The following MINAR1 variants were observed in gnomAD, a reference collection of about 807,000 sequenced individuals.
MINAR1 encodes the protein membrane integral NOTCH2 associated receptor 1.
In MINAR1, 40 loss-of-function variants were observed where a neutral mutation model predicts 65.1. That is an observed-to-expected ratio of 0.61 (90% CI 0.48 to 0.80). MINAR1 has a LOEUF of 0.80. Among genes scored for constraint, MINAR1 ranks in the 30% least tolerant of loss-of-function variants. The pLI, the probability that MINAR1 is intolerant of heterozygous loss-of-function variation, is 0.00. For missense variants in MINAR1, 1,128 were observed against 1,148.0 expected, an observed-to-expected ratio of 0.98 and a Z score of 0.25; for synonymous variants, 482 against 449.1, an observed-to-expected ratio of 1.07 and a Z score of -0.93.
chr15:79,457,569 G>T lies in MINAR1; in HGVS notation c.1422G>T (p.Val474=), dbSNP rs1284011042. 1.2e-6 allele frequency: 2 copies of T among 1,614,016 alleles called. No individual in the cohort carries two copies. Among genetic ancestry groups the T allele is most frequent in the African/African-American group, 2.7e-5 (2 of 74,916 alleles). The change falls in exon 2 of 4, where the codon GTG becomes GTT. Residue 474 remains valine, a synonymous_variant. Coordinates refer to ENST00000305428, the MANE Select transcript of MINAR1 (RefSeq NM_015206.3). ...SGQLSSDTSS[V]GTQTEHVLEP... ...AGCTCAGCTCAGACACCAGTAGCGT[G>T]GGCACCCAGACTGAGCACGTGCTGG... is the stretch of plus-strand genomic sequence containing the variant.
At chr15:79,415,869 A>C in the MINAR1 span, 1 of 152,246 alleles carries the variant, frequency 6.6e-6, no homozygotes, top group South Asian at 2.1e-4. Flanking sequence ...AACAAACAAA[A>C]TTCCCATGGT....
chr15:79,462,452 T>C (rs978184205), intron 2 of MINAR1, among the ~76,000 whole-genome samples: 2 of 152,192 alleles, frequency 1.3e-5, no homozygotes, highest in African/African-American at 4.8e-5. Context: ...CCCAGACTTC[T>C]TTCTTATCCT....
intron 1 of MINAR1, among the ~76,000 whole-genome samples, chr15:79,439,686 T>C (rs1317613727): frequency 6.6e-6 from 1 of 151,852 alleles, no homozygotes; most frequent in African/African-American, 2.4e-5. Flanking sequence ...CTCTAGCCTG[T>C]TGCCCCTGCA....
the MINAR1 span, chr15:79,418,578 C>T: frequency 6.6e-6 from 1 of 152,242 alleles, no homozygotes; most frequent in African/African-American, 2.4e-5. Flanking sequence ...CAGAAAGCCA[C>T]CAAGGAAAGC....
Position 79,457,372 on chromosome 15 carries a change from G to C in MINAR1, c.1225G>C (p.Glu409Gln). Reference sequence around the variant, plus strand: ...CCAGACCCCCAATTTCCCAGCCCCAGAAAGGCGCCCAACTTACCTTGTGCC... The same window carrying C: ...CCAGACCCCCAATTTCCCAGCCCCACAAAGGCGCCCAACTTACCTTGTGCC... The part of the protein sequence containing the change: ...SSQTPNFPAP[E>Q]RRPTYLVPKD... Residue 409 changes from glutamate (E) to glutamine (Q), a missense_variant, in exon 2 of 4, where the codon GAA (glutamate) becomes CAA (glutamine). Glu to Gln is a conservative substitution (Grantham distance 29). Transcript: ENST00000305428. The C allele has an allele frequency of 1.9e-6, 3 of 1,614,110 alleles. No individual in the cohort carries two copies. The highest frequency in any genetic ancestry group is 2.5e-6 in the Non-Finnish European group (3 of 1,180,012).
At chr15:79,453,803 T>C (rs1895320422) in intron 1 of MINAR1, among the ~76,000 whole-genome samples, 2 of 152,224 alleles carry the variant, frequency 1.3e-5, no homozygotes. Context: ...GGGCCTTGGT[T>C]TTCCAAATAG....
At position 79,463,232 on chromosome 15, in the gene MINAR1, G is replaced by T. The variant is rs148088993; in HGVS notation, c.2464G>T (p.Glu822Ter). The change falls in exon 3 of 4, where the codon GAG becomes TAG. Residue 822 changes from glutamate to a stop codon, truncating the protein, a stop_gained. Transcript: ENST00000305428. LOFTEE classifies it high-confidence loss of function. Reference protein sequence around the residue: ...YTDMRLTELAEVKRGQPSWTI... With the variant: ...YTDMRLTELA ...AGACATGCGGCTGACCGAGTTGGCC[G>T]AGGTGAAGCGGGGCCAACCTTCTTG... 1 of 1,614,236 alleles carries T rather than the reference G, an allele frequency of 6.2e-7. No homozygotes were observed. Among genetic ancestry groups the T allele is most frequent in the Non-Finnish European group, 8.5e-7 (1 of 1,180,044 alleles).
At chr15:79,426,068 C>T in the MINAR1 span, 1 of 152,220 alleles carries the variant, frequency 6.6e-6, no homozygotes, top group African/African-American at 2.4e-5. Context: ...CTCTGGCGTG[C>T]TTGGAGAGTG....
chr15:79,437,494 T>G (rs569807271), intron 1 of MINAR1, among the ~76,000 whole-genome samples: 3 of 136,302 alleles, frequency 2.2e-5, no homozygotes, highest in Non-Finnish European at 1.6e-5. Context: ...TAGGTGTGAG[T>G]GGGATAGGTT....
intron 1 of MINAR1, among the ~76,000 whole-genome samples, chr15:79,452,418 A>G (rs1330667525): frequency 2.0e-5 from 3 of 151,014 alleles, no homozygotes; most frequent in Non-Finnish European, 4.4e-5. Flanking sequence ...GTGAAGCTGT[A>G]TGAGTGTGTG....
intron 1 of MINAR1, among the ~76,000 whole-genome samples, chr15:79,452,717 T>TGC (rs1895268251): frequency 8.2e-6 from 1 of 122,152 alleles, no homozygotes; most frequent in Non-Finnish European, 1.7e-5. Flanking sequence ...AGTGTGTGGG[T>TGC]GTGGGTGAGT....
At chr15:79,417,239 C>T in the MINAR1 span, 2 of 152,220 alleles carry the variant, frequency 1.3e-5, no homozygotes, top group African/African-American at 4.8e-5. Flanking sequence ...TTAACAATCA[C>T]AAGAATGTAG....
chr15:79,439,875 T>C (rs4778696), intron 1 of MINAR1, among the ~76,000 whole-genome samples: 111,043 of 151,816 alleles, frequency 0.73, 42,366 homozygotes, highest in Admixed American at 0.84. Flanking sequence ...AAAAAGTATT[T>C]GGTTATTTAG....
intron 1 of MINAR1, among the ~76,000 whole-genome samples, chr15:79,455,708 T>C (rs1895387830): frequency 6.6e-6 from 1 of 152,168 alleles, no homozygotes; most frequent in Non-Finnish European, 1.5e-5. Context: ...CATGTACTAG[T>C]GGTTTGTTCT....
At chr15:79,440,013 C>T (rs1200083555) in intron 1 of MINAR1, among the ~76,000 whole-genome samples, 1 of 152,090 alleles carries the variant, frequency 6.6e-6, no homozygotes, top group Non-Finnish European at 1.5e-5. Flanking sequence ...GAAGGAGACA[C>T]AATGTGAGAA....
At position 79,470,579 on chromosome 15, in the gene MINAR1, TG is replaced by T. The variant is rs1370811118; in HGVS notation, c.*2198del. On this transcript the variant is annotated 3_prime_UTR_variant, in exon 4 of 4. Coordinates refer to ENST00000305428, the MANE Select transcript of MINAR1 (RefSeq NM_015206.3). Reference sequence around the variant, plus strand: ...GAATCTATTCCTAGTGGACCCCATTTGGGCATGTGCCTAGCTACCTTGGGAA... The same window carrying T: ...GAATCTATTCCTAGTGGACCCCATTTGGCATGTGCCTAGCTACCTTGGGAA... 8 of 152,210 alleles carry T rather than the reference TG, an allele frequency of 5.3e-5. No individual in the cohort carries two copies. In the East Asian group the frequency reaches 5.8e-4, roughly 11 times the overall value. 9.4% of individuals were successfully genotyped at this position (152,210 alleles called of 1,614,324 possible).
At chr15:79,449,459 G>C (rs1028259232) in intron 1 of MINAR1, among the ~76,000 whole-genome samples, 2 of 152,194 alleles carry the variant, frequency 1.3e-5, no homozygotes. Flanking sequence ...CAAGATCAAG[G>C]TGCCAGTTTC....
At chr15:79,464,618 T>C (rs1167831427) in intron 3 of MINAR1, among the ~76,000 whole-genome samples, 1 of 152,224 alleles carries the variant, frequency 6.6e-6, no homozygotes. Flanking sequence ...GAGTTTTATG[T>C]TACAAAAGAA....
chr15:79,465,777 AC>A (rs945828624), intron 3 of MINAR1, among the ~76,000 whole-genome samples: 1 of 151,364 alleles, frequency 6.6e-6, no homozygotes, highest in African/African-American at 2.4e-5. Context: ...TGCTGGTCTG[AC>A]CCCCACCAGC....
Sources: allele counts gnomAD v4.1 joint callset (sites outside exome capture counted in the v4.1 genomes callset), GRCh38; gene constraint gnomAD v4.1.1; transcripts MANE v1.5; gene names NCBI Gene and HGNC (gene_info 2026-07-23, HGNC 2026-07-21).